Variants in GPHN observed in about 807,000 individuals in gnomAD.
The protein encoded by GPHN is gephyrin.
In GPHN, 17 loss-of-function variants were observed where a neutral mutation model predicts 95.5. The ratio of observed to expected loss-of-function variants is 0.18; its 90% CI spans 0.12 to 0.27. The LOEUF (loss-of-function observed/expected upper bound fraction) is 0.27, where lower values mean the gene tolerates loss of function less well. Ranked by LOEUF, GPHN falls within the 10% of genes least tolerant of loss-of-function variation. GPHN has a pLI of 1.00. For missense variants in GPHN, 660 were observed against 978.1 expected, an observed-to-expected ratio of 0.67 and a Z score of 4.34; for synonymous variants, 320 against 322.5, an observed-to-expected ratio of 0.99 and a Z score of 0.08.
At chr14:67,635,508 G>A in the GPHN span, among the ~76,000 whole-genome samples, 1 of 152,300 alleles carries the variant, frequency 6.6e-6, no homozygotes, top group Admixed American at 6.5e-5. Flanking sequence ...TAATAAGCTA[G>A]TATTTCAAGT....
chr14:67,013,525 G>T (rs1363564251), intron 9 of GPHN, among the ~76,000 whole-genome samples: 1 of 151,860 alleles, frequency 6.6e-6, no homozygotes, highest in Non-Finnish European at 1.5e-5. Flanking sequence ...CATAATGTAC[G>T]CCATACATAG....
At chr14:67,091,714 C>T (rs1010063691) in intron 12 of GPHN, among the ~76,000 whole-genome samples, 1 of 151,774 alleles carries the variant, frequency 6.6e-6, no homozygotes, top group Admixed American at 6.6e-5. Flanking sequence ...TTGCTGTTAG[C>T]TTTTCTTGTT....
At chr14:67,249,187 C>A in the GPHN span, among the ~76,000 whole-genome samples, 5 of 152,196 alleles carry the variant, frequency 3.3e-5, no homozygotes, top group East Asian at 9.6e-4. Context: ...GTCTTGAACT[C>A]CTGACCTCAG....
At chr14:67,427,101 A>G in the GPHN span, among the ~76,000 whole-genome samples, 12 of 151,636 alleles carry the variant, frequency 7.9e-5, no homozygotes, top group Admixed American at 7.9e-4. Flanking sequence ...GGAGGTAGCC[A>G]GAGTGTATTG....
At chr14:67,632,883 T>C in the GPHN span, among the ~76,000 whole-genome samples, 2 of 132,556 alleles carry the variant, frequency 1.5e-5, no homozygotes, top group East Asian at 2.3e-4. Flanking sequence ...TGCAGTGGCG[T>C]GATCTCGGCT....
chr14:67,557,173 C>T, the GPHN span: 1 of 971,924 alleles, frequency 1.0e-6, no homozygotes, highest in East Asian at 2.5e-5. Context: ...GGAGTCACAG[C>T]CTGGGGCATC....
At chr14:67,726,977 A>G in the GPHN span, 2 of 1,611,984 alleles carry the variant, frequency 1.2e-6, no homozygotes, top group Non-Finnish European at 1.7e-6. Context: ...GGCTCTCCTC[A>G]CAGGCCACTT....
chr14:67,704,830 A>T, the GPHN span, among the ~76,000 whole-genome samples: 1 of 152,194 alleles, frequency 6.6e-6, no homozygotes, highest in African/African-American at 2.4e-5. Context: ...GTAGCCAAGG[A>T]GGAAACCAGC....
chr14:66,803,010 G>A (rs898486733), intron 3 of GPHN, among the ~76,000 whole-genome samples: 3 of 152,090 alleles, frequency 2.0e-5, no homozygotes, highest in Non-Finnish European at 4.4e-5. Context: ...ACCCTGTTCA[G>A]CCCTAGGACT....
chr14:67,608,235 C>T, the GPHN span, among the ~76,000 whole-genome samples: 1 of 151,010 alleles, frequency 6.6e-6, no homozygotes, highest in Non-Finnish European at 1.5e-5. Context: ...GACCCTGTCT[C>T]GAAAAAAAAA....
intron 4 of GPHN, among the ~76,000 whole-genome samples, chr14:66,835,496 A>G (rs111278806): frequency 0.25 from 37,822 of 151,370 alleles, 9,589 homozygotes; most frequent in African/African-American, 0.62. Flanking sequence ...ATCATACTGA[A>G]TGGGCAAAAA....
At chr14:67,526,813 G>C in the GPHN span, among the ~76,000 whole-genome samples, 1 of 152,020 alleles carries the variant, frequency 6.6e-6, no homozygotes, top group South Asian at 2.1e-4. Flanking sequence ...GTCATGTCCA[G>C]GGCTTCCATA....
the GPHN span, chr14:67,621,065 G>C: frequency 3.7e-5 from 44 of 1,176,972 alleles, no homozygotes; most frequent in African/African-American, 5.5e-4. Context: ...TTGTGTTTGG[G>C]AACAGTCTGC....
intron 1 of GPHN, among the ~76,000 whole-genome samples, chr14:66,534,414 A>G (rs1240642971): frequency 6.6e-6 from 1 of 152,132 alleles, no homozygotes; most frequent in Non-Finnish European, 1.5e-5. Context: ...TATGGTTATG[A>G]CATTCATCCA....
At chr14:66,593,892 A>G (rs2061864222) in intron 1 of GPHN, among the ~76,000 whole-genome samples, 1 of 152,204 alleles carries the variant, frequency 6.6e-6, no homozygotes, top group Admixed American at 6.5e-5. Flanking sequence ...GTCTTTCCTT[A>G]TAGATAACAT....
chr14:67,350,620 C>T, the GPHN span: 1 of 1,613,410 alleles, frequency 6.2e-7, no homozygotes, highest in Non-Finnish European at 8.5e-7. Flanking sequence ...CCTGAAGTCA[C>T]CTGCTGTGAA....
At chr14:67,224,040 T>G in the GPHN span, 1 of 937,528 alleles carries the variant, frequency 1.1e-6, no homozygotes, top group Non-Finnish European at 1.3e-6. Context: ...GCTCATCTGA[T>G]TCACATTCAC....
chr14:67,353,387 A>G, the GPHN span, among the ~76,000 whole-genome samples: 1 of 152,104 alleles, frequency 6.6e-6, no homozygotes, highest in African/African-American at 2.4e-5. Flanking sequence ...TCATCTGGGT[A>G]CACCTGTAAT....
At chr14:67,277,547 C>T in the GPHN span, among the ~76,000 whole-genome samples, 1 of 151,778 alleles carries the variant, frequency 6.6e-6, no homozygotes, top group Non-Finnish European at 1.5e-5. Context: ...TAAAGTGATG[C>T]CCAACTCAAG....
Sources: allele counts gnomAD v4.1 joint callset (sites outside exome capture counted in the v4.1 genomes callset), GRCh38; gene constraint gnomAD v4.1.1; transcripts MANE v1.5; gene names NCBI Gene and HGNC (gene_info 2026-07-23, HGNC 2026-07-21).